AGBL1: variants seen among roughly 807,000 people sequenced by gnomAD.
AGBL1 encodes AGBL carboxypeptidase 1, also known as cytosolic carboxypeptidase 4.
Under a neutral mutation model 118.9 loss-of-function variants are expected in AGBL1, and 130 were observed. The observed-to-expected ratio is 1.09, with a 90% CI of 0.95 to 1.26. The LOEUF is 1.26. AGBL1 is among the 50% of genes most tolerant of loss of function. The pLI is 0.00. For missense variants in AGBL1, 1,584 were observed against 1,298.1 expected, an observed-to-expected ratio of 1.22 and a Z score of -3.38; for synonymous variants, 555 against 478.9, an observed-to-expected ratio of 1.16 and a Z score of -2.08.
intron 17 of AGBL1, among the ~76,000 whole-genome samples, chr15:86,389,474 A>G (rs1480952062): frequency 6.6e-6 from 1 of 152,218 alleles, no homozygotes; most frequent in African/African-American, 2.4e-5. Context: ...CGGACAAATC[A>G]GAAGTGCATA....
chr15:86,429,297 GTC>G (rs2081905075), intron 18 of AGBL1, among the ~76,000 whole-genome samples: 1 of 152,210 alleles, frequency 6.6e-6, no homozygotes, highest in Admixed American at 6.5e-5. Flanking sequence ...TCCAGGGCCA[GTC>G]TTATGGCAAA....
At chr15:86,397,903 C>A (rs1286916773) in intron 18 of AGBL1, among the ~76,000 whole-genome samples, 1 of 152,110 alleles carries the variant, frequency 6.6e-6, no homozygotes, top group Non-Finnish European at 1.5e-5. Flanking sequence ...TAACATTTTT[C>A]TTTTAAAAAG....
At chr15:86,963,064 G>A (rs956980857) in intron 23 of AGBL1, among the ~76,000 whole-genome samples, 49 of 152,194 alleles carry the variant, frequency 3.2e-4, no homozygotes, top group African/African-American at 1.1e-3. Flanking sequence ...AAAATATCAT[G>A]TAAGCCTTGA....
At chr15:86,826,034 T>G (rs897228912) in intron 22 of AGBL1, among the ~76,000 whole-genome samples, 34 of 98,750 alleles carry the variant, frequency 3.4e-4, no homozygotes, top group Non-Finnish European at 7.3e-4. Flanking sequence ...AGTAACTTCT[T>G]GCAAAAAAAA....
At chr15:86,091,671 T>C (rs1896036131) in intron 1 of AGBL1, among the ~76,000 whole-genome samples, 1 of 152,220 alleles carries the variant, frequency 6.6e-6, no homozygotes, top group South Asian at 2.1e-4. Flanking sequence ...AATAAGCCAC[T>C]TGATCAGGTT....
chr15:86,115,033 G>A (rs1200762361), intron 1 of AGBL1, among the ~76,000 whole-genome samples: 1 of 152,152 alleles, frequency 6.6e-6, no homozygotes, highest in East Asian at 1.9e-4. Context: ...ACTGGGTTAT[G>A]GATAAACACT....
intron 1 of AGBL1, among the ~76,000 whole-genome samples, chr15:86,109,348 A>T (rs1897231428): frequency 6.6e-6 from 1 of 152,222 alleles, no homozygotes. Flanking sequence ...AATGATTTTT[A>T]AAAAGCTGAC....
Position 86,674,391 on chromosome 15 carries a change from C to T in AGBL1, c.3113C>T (p.Thr1038Ile), listed in dbSNP as rs1378401139. The T allele has an allele frequency of 2.5e-6, 4 of 1,613,336 alleles. No individual in the cohort carries two copies. In the East Asian group the frequency reaches 6.7e-5, roughly 27 times the overall value. ...CATCAGCTCCTGGCTCAAGCTGCAACTCTGCTGAGTGCTGAGGAGGACGCT... is the reference window on the plus strand; with the variant it reads ...CATCAGCTCCTGGCTCAAGCTGCAATTCTGCTGAGTGCTGAGGAGGACGCT... Reference protein sequence around the residue: ...CSHQLLAQAATLLSAEEDALD... With the variant: ...CSHQLLAQAAILLSAEEDALD... The change falls in exon 22 of 23, where the codon ACT becomes ATT. Residue 1038 changes from threonine (T) to isoleucine (I), a missense_variant. Transcript: ENST00000614907.
In AGBL1 at chr15:86,910,367, T is replaced by TG. The variant is rs2080333965; in HGVS notation, c.*3075dup. On this transcript the variant is annotated 3_prime_UTR_variant, in exon 23 of 23. Coordinates refer to ENST00000614907, the MANE Select transcript of AGBL1 (RefSeq NM_001386094.1). ...AGGAGGAGAGTGACAAGAGATGAAA[T>TG]GGAAAAACTAGACAGCAGTCAGATA... is the stretch of plus-strand genomic sequence containing the variant. 1 of 152,140 alleles carries TG rather than the reference T, an allele frequency of 6.6e-6. No individual in the cohort carries two copies. Among genetic ancestry groups the TG allele is most frequent in the African/African-American group, 2.4e-5 (1 of 41,420 alleles). 9.4% of individuals were successfully genotyped at this position (152,140 alleles called of 1,614,324 possible). A position where few individuals can be genotyped will look rare whatever the true frequency, so the allele number is the denominator to read the frequency against.
chr15:86,111,747 G>T (rs1449908296), intron 1 of AGBL1, among the ~76,000 whole-genome samples: 1 of 152,144 alleles, frequency 6.6e-6, no homozygotes, highest in Non-Finnish European at 1.5e-5. Context: ...CTGATACAGG[G>T]GTCTCCAACC....
chr15:86,964,746 T>C (rs1007945433), intron 23 of AGBL1, among the ~76,000 whole-genome samples: 1 of 151,892 alleles, frequency 6.6e-6, no homozygotes, highest in Non-Finnish European at 1.5e-5. Flanking sequence ...CATCAACCCA[T>C]CATCTAGGTA....
At chr15:86,407,001 A>C (rs779774002) in intron 18 of AGBL1, among the ~76,000 whole-genome samples, 3 of 152,164 alleles carry the variant, frequency 2.0e-5, no homozygotes, top group Non-Finnish European at 2.9e-5. Flanking sequence ...TATATTTGAT[A>C]CATATTGTTG....
At chr15:86,753,079 C>T (rs2077879306) in intron 22 of AGBL1, among the ~76,000 whole-genome samples, 1 of 152,036 alleles carries the variant, frequency 6.6e-6, no homozygotes, top group Non-Finnish European at 1.5e-5. Context: ...TCACTTTGTT[C>T]TGTAAATTTG....
chr15:86,401,576 G>T (rs2081446270), intron 18 of AGBL1, among the ~76,000 whole-genome samples: 1 of 152,014 alleles, frequency 6.6e-6, no homozygotes, highest in Non-Finnish European at 1.5e-5. Flanking sequence ...AATTTTTATG[G>T]CTTCAGGTCT....
At chr15:86,311,331 C>A (rs545117822) in intron 17 of AGBL1, among the ~76,000 whole-genome samples, 1 of 152,246 alleles carries the variant, frequency 6.6e-6, no homozygotes, top group Non-Finnish European at 1.5e-5. Flanking sequence ...ACTTTACATG[C>A]TACTTTCTTC....
intron 19 of AGBL1, among the ~76,000 whole-genome samples, chr15:86,525,641 T>C (rs1208287341): frequency 6.6e-6 from 1 of 152,094 alleles, no homozygotes; most frequent in African/African-American, 2.4e-5. Context: ...TAAATGACGC[T>C]GGGAAAATTG....
chr15:86,343,508 G>C (rs2080492691), intron 17 of AGBL1, among the ~76,000 whole-genome samples: 1 of 152,146 alleles, frequency 6.6e-6, no homozygotes, highest in African/African-American at 2.4e-5. Flanking sequence ...TGATGCCCCA[G>C]TCGGGTTGGA....
At chr15:86,922,169 T>C (rs1377643890) in intron 23 of AGBL1, among the ~76,000 whole-genome samples, 3 of 152,228 alleles carry the variant, frequency 2.0e-5, no homozygotes, top group African/African-American at 7.2e-5. Flanking sequence ...ACAAAGTTGA[T>C]TTCAAAAATA....
chr15:86,983,909 T>C (rs2081255348), intron 23 of AGBL1, among the ~76,000 whole-genome samples: 1 of 152,244 alleles, frequency 6.6e-6, no homozygotes, highest in Admixed American at 6.5e-5. Context: ...TTCCACTGTA[T>C]GCAACGGTTT....
Sources: gnomAD v4.1 joint callset for allele counts (sites outside exome capture counted in the v4.1 genomes callset) on GRCh38, gnomAD v4.1.1 for gene constraint, MANE v1.5 for transcripts, NCBI Gene and HGNC (gene_info 2026-07-23, HGNC 2026-07-21) for gene names.